The following ENDOD1 variants were observed in gnomAD, a reference collection of about 807,000 sequenced individuals.
ENDOD1 encodes endonuclease domain-containing 1 protein.
ENDOD1 carries 9 observed loss-of-function variants against 6.5 expected under a neutral mutation model. The observed-to-expected ratio is 1.39, with a 90% CI of 0.84 to 2.43. The LOEUF (loss-of-function observed/expected upper bound fraction) is 2.43. Among genes scored for constraint, ENDOD1 ranks in the 30% most tolerant of loss-of-function variants. The pLI, the probability that ENDOD1 is intolerant of heterozygous loss-of-function variation, is 0.00. For missense variants in ENDOD1, 648 were observed against 635.5 expected (o/e 1.02, Z -0.21); for synonymous variants, 255 against 255.2 (o/e 1.00, Z 0.01).
intron 1 of ENDOD1, among the ~76,000 whole-genome samples, chr11:95,105,084 C>G (rs1859076833): frequency 6.6e-6 from 1 of 152,148 alleles, no homozygotes; most frequent in African/African-American, 2.4e-5. Flanking sequence ...GATATATCTC[C>G]CAGGACCGGG....
rs917143364 is a variant in ENDOD1 at position 95,132,253 on chromosome 11, A to T, written c.*2674A>T. 3.3e-5 allele frequency: 5 copies of T among 152,612 alleles called. No homozygotes were observed. Among genetic ancestry groups the T allele is most frequent in the African/African-American group, 1.2e-4 (5 of 41,438 alleles). 9.5% of individuals were successfully genotyped at this position (152,612 alleles called of 1,614,324 possible). On this transcript the variant is annotated 3_prime_UTR_variant, in exon 2 of 2. Transcript: ENST00000278505. ...TGTGCCTTTTGAATGTTGTCTTCTC[A>T]CTCAGCATCAGCACTTCGATCTAAA...
intron 1 of ENDOD1, among the ~76,000 whole-genome samples, chr11:95,091,815 G>A (rs912386446): frequency 6.6e-6 from 1 of 152,184 alleles, no homozygotes; most frequent in African/African-American, 2.4e-5. Context: ...TGGAGAGGTG[G>A]TGTAGTATCT....
At chr11:95,126,856 A>AT (rs59958105) in intron 1 of ENDOD1, among the ~76,000 whole-genome samples, 15,169 of 149,372 alleles carry the variant, frequency 0.1, 1,526 homozygotes, top group East Asian at 0.52. Context: ...AATTTTTTGA[A>AT]TTTTTTTTTT....
rs1380410682 is a variant in ENDOD1, at chr11:95,129,945, T to C, written c.*366T>C. The C allele has an allele frequency of 5.9e-6, 1 of 170,156 alleles. No homozygotes were observed. The highest frequency in any genetic ancestry group is 1.3e-5 in the Non-Finnish European group (1 of 79,364). 10.5% of individuals were successfully genotyped at this position (170,156 alleles called of 1,614,324 possible). A position where few individuals can be genotyped will look rare whatever the true frequency, so the allele number is the denominator to read the frequency against. On this transcript the variant is annotated 3_prime_UTR_variant, in exon 2 of 2. Transcript: ENST00000278505. ...AAAGAACAACTTTAGACCAAAGGTGTCTGAGAAAAGGAGAAAGGGAGCTTG... is the reference window on the plus strand; with the variant it reads ...AAAGAACAACTTTAGACCAAAGGTGCCTGAGAAAAGGAGAAAGGGAGCTTG...
intron 1 of ENDOD1, among the ~76,000 whole-genome samples, chr11:95,107,365 A>G (rs963781509): frequency 1.3e-5 from 2 of 150,444 alleles, no homozygotes; most frequent in Non-Finnish European, 3.0e-5. Context: ...GGTCTGGGTG[A>G]GGCCTGAGGA....
intron 1 of ENDOD1, among the ~76,000 whole-genome samples, chr11:95,091,144 C>G (rs547118410): frequency 2.0e-5 from 3 of 152,270 alleles, no homozygotes; most frequent in Admixed American, 2.0e-4. Context: ...CAGTTGGCCT[C>G]CTCTCTAGAA....
At position 95,090,267 on chromosome 11, in the gene ENDOD1, A is replaced by C. The variant is rs1381774237; in HGVS notation, c.300+40A>C. 6.6e-6 allele frequency: 9 copies of C among 1,357,270 alleles called. No homozygotes were observed. The Admixed American group carries it at 3.2e-4, about 48-fold the overall frequency. The allele number at this position is 1,357,270 out of a possible 1,614,324, so 84.1% of individuals were successfully genotyped here. A position where few individuals can be genotyped will look rare whatever the true frequency, so the allele number is the denominator to read the frequency against. ...TCCCGAGCCGGGCTGCGGGCGCCGGAGACCGTGCCGCTGGACATGCCCCCA... is the reference window on the plus strand; with the variant it reads ...TCCCGAGCCGGGCTGCGGGCGCCGGCGACCGTGCCGCTGGACATGCCCCCA... On this transcript the variant is annotated intron_variant, in intron 1 of 1. Coordinates refer to ENST00000278505, the MANE Select transcript of ENDOD1 (RefSeq NM_015036.3).
intron 1 of ENDOD1, among the ~76,000 whole-genome samples, chr11:95,102,806 C>T (rs1478095053): frequency 6.6e-6 from 1 of 152,204 alleles, no homozygotes; most frequent in Non-Finnish European, 1.5e-5. Flanking sequence ...TTCTCTAATG[C>T]TCTTTAAGAT....
At chr11:95,124,305 A>C (rs756819719) in intron 1 of ENDOD1, among the ~76,000 whole-genome samples, 1 of 152,200 alleles carries the variant, frequency 6.6e-6, no homozygotes, top group Non-Finnish European at 1.5e-5. Context: ...AATAAAGTAA[A>C]AATGCCTTCC....
chr11:95,111,277 C>T (rs1555111909), intron 1 of ENDOD1, among the ~76,000 whole-genome samples: 2 of 152,088 alleles, frequency 1.3e-5, no homozygotes, highest in African/African-American at 4.8e-5. Context: ...TGAGCATTCC[C>T]CTTGGGATGC....
At chr11:95,100,179 A>C (rs1555110697) in intron 1 of ENDOD1, among the ~76,000 whole-genome samples, 1 of 152,020 alleles carries the variant, frequency 6.6e-6, no homozygotes, top group Non-Finnish European at 1.5e-5. Flanking sequence ...TCCCTCCTAT[A>C]CGAGTCCTGC....
chr11:95,128,525 G>A lies in ENDOD1; in HGVS notation c.449G>A (p.Ser150Asn), dbSNP rs1859334648. The A allele has an allele frequency of 6.2e-7, 1 of 1,614,104 alleles. No individual in the cohort carries two copies. The highest frequency in any genetic ancestry group is 1.1e-5 in the South Asian group (1 of 91,096). The part of the protein sequence containing the change: ...QRGQLYPFSL[S>N]SDVQVATFTL... ...GGACAGCTTTACCCATTCTCCCTTA[G>A]CAGTGATGTCCAGGTGGCCACATTT... Residue 150 changes from serine (S) to asparagine (N), a missense_variant, in exon 2 of 2, where the codon AGC becomes AAC. Coordinates refer to ENST00000278505, the MANE Select transcript of ENDOD1 (RefSeq NM_015036.3).
At chr11:95,096,697 G>C (rs1858988385) in intron 1 of ENDOD1, among the ~76,000 whole-genome samples, 1 of 152,170 alleles carries the variant, frequency 6.6e-6, no homozygotes, top group Non-Finnish European at 1.5e-5. Context: ...AATGCTTTAA[G>C]AAAGCCCTGA....
intron 1 of ENDOD1, among the ~76,000 whole-genome samples, chr11:95,110,583 A>ATG (rs35270641): frequency 0.34 from 50,050 of 147,646 alleles, 9,888 homozygotes; most frequent in Non-Finnish European, 0.47. Context: ...CCGTGTATGT[A>ATG]TGTGTGTGTG....
intron 1 of ENDOD1, among the ~76,000 whole-genome samples, chr11:95,124,689 T>C (rs1185919759): frequency 6.6e-6 from 1 of 152,222 alleles, no homozygotes; most frequent in African/African-American, 2.4e-5. Flanking sequence ...ATTTGCCATG[T>C]AAGTGTATGG....
chr11:95,101,445 G>GTTT (rs1555110867), intron 1 of ENDOD1, among the ~76,000 whole-genome samples: 3 of 152,172 alleles, frequency 2.0e-5, no homozygotes, highest in African/African-American at 7.2e-5. Context: ...CAGCAGCCTA[G>GTTT]ATGTACACGT....
chr11:95,116,286 C>A (rs1438400080), intron 1 of ENDOD1, among the ~76,000 whole-genome samples: 1 of 152,134 alleles, frequency 6.6e-6, no homozygotes, highest in Non-Finnish European at 1.5e-5. Context: ...TACAGTTGCT[C>A]ATAGTAGCCA....
At chr11:95,104,857 G>C (rs1229968240) in intron 1 of ENDOD1, among the ~76,000 whole-genome samples, 1 of 152,120 alleles carries the variant, frequency 6.6e-6, no homozygotes, top group East Asian at 1.9e-4. Flanking sequence ...GCTCAGCCTG[G>C]CTGCCAACCC....
At chr11:95,100,893 C>T (rs1350558253) in intron 1 of ENDOD1, among the ~76,000 whole-genome samples, 2 of 92,852 alleles carry the variant, frequency 2.2e-5, no homozygotes, top group African/African-American at 7.6e-5. Context: ...TTTTGCCTTC[C>T]GTGATATTCC....
Sources: allele counts gnomAD v4.1 joint callset (sites outside exome capture counted in the v4.1 genomes callset), GRCh38; gene constraint gnomAD v4.1.1; transcripts MANE v1.5; gene names NCBI Gene and HGNC (gene_info 2026-07-23, HGNC 2026-07-21).